The following SUPT3H variants were observed in gnomAD, a reference collection of about 807,000 sequenced individuals.
SUPT3H encodes the protein SPT3 homolog, SAGA and STAGA complex component, also known as transcription initiation protein SPT3 homolog.
In SUPT3H, 44 loss-of-function variants were observed where a neutral mutation model predicts 44.3. The observed-to-expected ratio is 0.99, with a 90% CI of 0.78 to 1.28. The LOEUF is 1.28. Ranked by LOEUF, SUPT3H falls within the 50% of genes most tolerant of loss-of-function variation. The pLI is 0.00. For missense variants in SUPT3H, 380 were observed against 387.1 expected (o/e 0.98, Z 0.15); for synonymous variants, 124 against 125.6 (o/e 0.99, Z 0.09).
At chr6:44,923,091 T>C (rs638812) in intron 10 of SUPT3H, among the ~76,000 whole-genome samples, 1 of 152,164 alleles carries the variant, frequency 6.6e-6, no homozygotes, top group African/African-American at 2.4e-5. Context: ...CTATTTGGTA[T>C]AAATTACCCC....
chr6:44,969,243 T>C (rs1366933313), intron 6 of SUPT3H, among the ~76,000 whole-genome samples: 1 of 152,216 alleles, frequency 6.6e-6, no homozygotes, highest in East Asian at 1.9e-4. Context: ...CTAGAATGCA[T>C]GTACCTTAAT....
chr6:45,186,112 T>C (rs1032260241), intron 2 of SUPT3H, among the ~76,000 whole-genome samples: 2 of 152,070 alleles, frequency 1.3e-5, no homozygotes, highest in Non-Finnish European at 2.9e-5. Flanking sequence ...ATCCTATCTG[T>C]AAAGGCAATG....
chr6:45,171,713 C>CTTTTTTTTTTTTTTTTTTTTT (rs777154020), intron 2 of SUPT3H, among the ~76,000 whole-genome samples: 1 of 93,474 alleles, frequency 1.1e-5, no homozygotes, highest in Admixed American at 1.7e-4. Flanking sequence ...ATTCCACTTG[C>CTTTTTTTTTTTTTTTTTTTTT]TTTTTTTTTT....
At chr6:44,863,183 C>T (rs573268555) in intron 10 of SUPT3H, among the ~76,000 whole-genome samples, 98 of 152,300 alleles carry the variant, frequency 6.4e-4, no homozygotes, top group Admixed American at 3.6e-3. Flanking sequence ...TCCAGTCATG[C>T]ACTGATTACT....
chr6:45,015,789 ACG>A (rs76221894), intron 4 of SUPT3H, among the ~76,000 whole-genome samples: 1,664 of 146,608 alleles, frequency 0.011, 8 homozygotes, highest in African/African-American at 0.011. Flanking sequence ...AGATGCACAC[ACG>A]CGCGCGCACA....
chr6:45,224,941 G>A lies in SUPT3H; in HGVS notation c.102-118935C>T, dbSNP rs568315979. Reference sequence around the variant, plus strand: ...AAAAGTTATCATTATGTGTATTTCTGAACACATAAAAGGTCCCATACATTT... The same window carrying A: ...AAAAGTTATCATTATGTGTATTTCTAAACACATAAAAGGTCCCATACATTT... On this transcript the variant is annotated intron_variant, in intron 2 of 10. Transcript: ENST00000371459. Among the ~76,000 whole-genome samples, 87 of 151,824 alleles carry A rather than the reference G, an allele frequency of 5.7e-4. 1 individual carries two copies. The highest frequency in any genetic ancestry group is 1.1e-3 in the Non-Finnish European group (73 of 67,968).
At chr6:45,088,753 T>G (rs1208480236) in intron 3 of SUPT3H, among the ~76,000 whole-genome samples, 1 of 151,996 alleles carries the variant, frequency 6.6e-6, no homozygotes, top group Non-Finnish European at 1.5e-5. Flanking sequence ...CATATAAATG[T>G]ACTAACAACT....
intron 3 of SUPT3H, among the ~76,000 whole-genome samples, chr6:45,039,110 G>GA (rs1024791333): frequency 1.3e-5 from 2 of 151,816 alleles, no homozygotes; most frequent in African/African-American, 4.8e-5. Flanking sequence ...GAAGGGCACA[G>GA]AAAAAAAATA....
At chr6:45,062,647 G>A (rs556225527) in intron 3 of SUPT3H, among the ~76,000 whole-genome samples, 2 of 152,334 alleles carry the variant, frequency 1.3e-5, no homozygotes, top group East Asian at 3.9e-4. Flanking sequence ...TGCCTCACCT[G>A]GGAAGCGCGA....
chr6:45,055,743 T>C (rs1791011202), intron 3 of SUPT3H, among the ~76,000 whole-genome samples: 1 of 151,900 alleles, frequency 6.6e-6, no homozygotes, highest in Admixed American at 6.6e-5. Flanking sequence ...TGGAAAAAAC[T>C]CTTCTTAGAC....
intron 2 of SUPT3H, among the ~76,000 whole-genome samples, chr6:45,126,914 A>T (rs1382889741): frequency 6.6e-6 from 1 of 152,226 alleles, no homozygotes; most frequent in East Asian, 1.9e-4. Context: ...TGCCTAAAAA[A>T]AATTATATTG....
At chr6:45,123,292 C>G (rs559305563) in intron 2 of SUPT3H, among the ~76,000 whole-genome samples, 3 of 151,732 alleles carry the variant, frequency 2.0e-5, no homozygotes, top group Non-Finnish European at 4.4e-5. Flanking sequence ...TTCAGTCAGT[C>G]TAATTTAATT....
chr6:45,069,933 G>C (rs1222799341), intron 3 of SUPT3H, among the ~76,000 whole-genome samples: 5 of 152,230 alleles, frequency 3.3e-5, no homozygotes, highest in African/African-American at 9.6e-5. Flanking sequence ...AACAGCTGCG[G>C]GTAGCAGCAT....
chr6:45,171,713 C>CTTT (rs777154020), intron 2 of SUPT3H, among the ~76,000 whole-genome samples: 9,207 of 93,438 alleles, frequency 0.099, 1,710 homozygotes, highest in African/African-American at 0.16. Context: ...ATTCCACTTG[C>CTTT]TTTTTTTTTT....
chr6:45,189,992 A>C (rs964656291), intron 2 of SUPT3H, among the ~76,000 whole-genome samples: 1 of 152,212 alleles, frequency 6.6e-6, no homozygotes, highest in Non-Finnish European at 1.5e-5. Flanking sequence ...GTCCCACTGC[A>C]TGCAGATCTA....
At chr6:45,270,088 GA>G (rs1462479755) in intron 2 of SUPT3H, among the ~76,000 whole-genome samples, 1 of 152,054 alleles carries the variant, frequency 6.6e-6, no homozygotes, top group African/African-American at 2.4e-5. Flanking sequence ...AAGTTCATAT[GA>G]AGGGACTTCA....
intron 10 of SUPT3H, among the ~76,000 whole-genome samples, chr6:44,843,944 CACA>C (rs1771444318): frequency 6.8e-6 from 1 of 146,180 alleles, no homozygotes; most frequent in Non-Finnish European, 1.6e-5. Flanking sequence ...CACACACACA[CACA>C]CACACACACA....
At chr6:45,013,382 A>G (rs780879844) in intron 5 of SUPT3H, among the ~76,000 whole-genome samples, 1 of 152,004 alleles carries the variant, frequency 6.6e-6, no homozygotes, top group South Asian at 2.1e-4. Flanking sequence ...ACTCTGTTCC[A>G]AGCAGTGACG....
intron 3 of SUPT3H, 51 bp downstream of exon 3, chr6:45,105,871 A>G: frequency 7.2e-7 from 1 of 1,398,306 alleles, no homozygotes; most frequent in South Asian, 1.2e-5. Context: ...TTACCATCCT[A>G]ATAAAAGAAT....
Sources: gnomAD v4.1 joint callset for allele counts (sites outside exome capture counted in the v4.1 genomes callset) on GRCh38, gnomAD v4.1.1 for gene constraint, MANE v1.5 for transcripts, NCBI Gene and HGNC (gene_info 2026-07-23, HGNC 2026-07-21) for gene names.